GAB2: variants seen among roughly 807,000 people sequenced by gnomAD.
The protein encoded by GAB2 is GRB2 associated binding protein 2.
Under a neutral mutation model 65.5 loss-of-function variants are expected in GAB2, and 26 were observed. The ratio of observed to expected loss-of-function variants is 0.40; its 90% CI spans 0.29 to 0.55. The LOEUF is 0.55. Among genes scored for constraint, GAB2 ranks in the 20% least tolerant of loss-of-function variants. The pLI is 0.53. For missense variants in GAB2, 884 were observed against 875.8 expected (o/e 1.01, Z -0.12); for synonymous variants, 321 against 329.6 (o/e 0.97, Z 0.28).
chr11:78,246,497 T>A (rs1285789296), intron 3 of GAB2, among the ~76,000 whole-genome samples: 1 of 152,058 alleles, frequency 6.6e-6, no homozygotes, highest in Non-Finnish European at 1.5e-5. Context: ...AGAAGTGCTA[T>A]TTTTTTGTTT....
chr11:78,399,695 C>A (rs1856945620), intron 1 of GAB2, among the ~76,000 whole-genome samples: 1 of 152,150 alleles, frequency 6.6e-6, no homozygotes, highest in Non-Finnish European at 1.5e-5. Context: ...GTGAAGGCAC[C>A]CATGCTCATG....
rs566165527 is a variant in GAB2 at position 78,325,726 on chromosome 11, C to G, written c.76-44825G>C. Among the ~76,000 whole-genome samples the G allele has an allele frequency of 7.9e-5, 12 of 152,296 alleles. 1 individual carries two copies. In the South Asian group the frequency reaches 2.1e-3, roughly 26 times the overall value. The stretch of plus-strand genomic sequence containing the variant: ...CTTTCAAAGATCTTACATGACTTAG[C>G]AACATCCTGACAACCACTACATTGT... On this transcript the variant is annotated intron_variant, in intron 1 of 9. Transcript: ENST00000361507.
At chr11:78,346,716 TA>T (rs1565168294) in intron 1 of GAB2, among the ~76,000 whole-genome samples, 1,240 of 86,610 alleles carry the variant, frequency 0.014, 55 homozygotes, top group Admixed American at 0.026. Flanking sequence ...TATATATATA[TA>T]TATAATTTTT....
intron 1 of GAB2, chr11:78,341,972 T>A: frequency 1.5e-6 from 1 of 660,386 alleles, no homozygotes; most frequent in Admixed American, 6.3e-5. Flanking sequence ...CAAAGGCCAG[T>A]GTGTGTTGTG....
chr11:78,384,643 G>C (rs2134742494), intron 1 of GAB2, among the ~76,000 whole-genome samples: 1 of 152,310 alleles, frequency 6.6e-6, no homozygotes, highest in Non-Finnish European at 1.5e-5. Flanking sequence ...GCTGGGAGAG[G>C]AGGCAGTGCT....
chr11:78,370,173 C>T (rs926490454), intron 1 of GAB2, among the ~76,000 whole-genome samples: 10 of 147,242 alleles, frequency 6.8e-5, no homozygotes, highest in East Asian at 6.0e-4. Flanking sequence ...AGGAGAATGG[C>T]GTGAACCCGG....
At chr11:78,298,637 T>C (rs1866907017) in intron 1 of GAB2, among the ~76,000 whole-genome samples, 1 of 152,212 alleles carries the variant, frequency 6.6e-6, no homozygotes, top group African/African-American at 2.4e-5. Context: ...AAATGAGCTG[T>C]TGCCAACCCT....
At chr11:78,409,889 A>G (rs115931901) in intron 1 of GAB2, among the ~76,000 whole-genome samples, 1,879 of 152,294 alleles carry the variant, frequency 0.012, 29 homozygotes, top group African/African-American at 0.043. Flanking sequence ...ATAAACCTTG[A>G]CAAGTTAAAA....
chr11:78,264,581 T>G (rs1865825609), intron 2 of GAB2, among the ~76,000 whole-genome samples: 1 of 151,626 alleles, frequency 6.6e-6, no homozygotes, highest in Admixed American at 6.6e-5. Context: ...TTGTATTTTT[T>G]TTTTTAGTAG....
At chr11:78,324,038 T>C (rs1190841688) in intron 1 of GAB2, among the ~76,000 whole-genome samples, 1 of 152,076 alleles carries the variant, frequency 6.6e-6, no homozygotes, top group Non-Finnish European at 1.5e-5. Flanking sequence ...CCTCAGGTGA[T>C]CTGCCCACCT....
intron 1 of GAB2, among the ~76,000 whole-genome samples, chr11:78,342,370 C>A (rs1405195949): frequency 2.6e-5 from 4 of 151,814 alleles, no homozygotes; most frequent in Non-Finnish European, 5.9e-5. Context: ...ACAATATAAA[C>A]CCTCCCTCCT....
intron 1 of GAB2, among the ~76,000 whole-genome samples, chr11:78,365,980 T>C (rs1856492233): frequency 6.6e-6 from 1 of 152,214 alleles, no homozygotes; most frequent in Non-Finnish European, 1.5e-5. Context: ...TATGGACCAG[T>C]TACAGTTTTC....
chr11:78,412,252 G>T (rs894471915), intron 1 of GAB2, among the ~76,000 whole-genome samples: 1 of 152,286 alleles, frequency 6.6e-6, no homozygotes, highest in Middle Eastern at 3.4e-3. Context: ...TTAGCCATAA[G>T]GGAAATGTAA....
At chr11:78,350,260 G>A (rs1035832722) in intron 1 of GAB2, among the ~76,000 whole-genome samples, 20 of 152,164 alleles carry the variant, frequency 1.3e-4, no homozygotes, top group Admixed American at 3.3e-4. Flanking sequence ...AGGCTCTAGC[G>A]GGTAGCTCAG....
In GAB2 at chr11:78,328,169, T is replaced by C. The variant is rs183884846; in HGVS notation, c.76-47268A>G. Among the ~76,000 whole-genome samples the C allele has an allele frequency of 3.9e-5, 6 of 152,224 alleles. No homozygotes were observed. In the East Asian group the frequency reaches 7.7e-4, roughly 20 times the overall value. ...AGAAACGGATATACACACCAAACAC[T>C]AGGCACTCTCGGGTCCACATTGTTT... On this transcript the variant is annotated intron_variant, in intron 1 of 9. Transcript: ENST00000361507.
chr11:78,393,266 C>T (rs575058133), intron 1 of GAB2, among the ~76,000 whole-genome samples: 1 of 152,226 alleles, frequency 6.6e-6, no homozygotes, highest in Admixed American at 6.5e-5. Context: ...TCCCTCCCTA[C>T]TGCTGGAGAT....
Position 78,226,810 on chromosome 11 carries a change from C to T in GAB2, c.862G>A (p.Asp288Asn). ...TTGAAGGTGTACACATCCTCATTAT[C>T]TGTCTCGGAGCCTGTGAGGCTGCCC... Reference protein sequence around the residue: ...TKGSLTGSETDNEDVYTFKTP... With the variant: ...TKGSLTGSETNNEDVYTFKTP... The change falls in exon 4 of 10, where the codon GAT becomes AAT. Residue 288 changes from aspartate to asparagine, a missense_variant. Transcript: ENST00000361507. The T allele has an allele frequency of 6.2e-7, 1 of 1,614,140 alleles. No homozygotes were observed. The highest frequency in any genetic ancestry group is 8.5e-7 in the Non-Finnish European group (1 of 1,179,996).
At chr11:78,227,510 A>G (rs1476883671) in intron 3 of GAB2, among the ~76,000 whole-genome samples, 1 of 152,050 alleles carries the variant, frequency 6.6e-6, no homozygotes, top group Non-Finnish European at 1.5e-5. Flanking sequence ...TATTTGGGTC[A>G]GGTGCAGTGT....
chr11:78,289,657 C>T (rs1442806188), intron 1 of GAB2, among the ~76,000 whole-genome samples: 3 of 151,890 alleles, frequency 2.0e-5, no homozygotes, highest in Non-Finnish European at 2.9e-5. Flanking sequence ...AGACATAATA[C>T]GCTAGTAGAC....
Sources: gnomAD v4.1 joint callset for allele counts (sites outside exome capture counted in the v4.1 genomes callset) on GRCh38, gnomAD v4.1.1 for gene constraint, MANE v1.5 for transcripts, NCBI Gene and HGNC (gene_info 2026-07-23, HGNC 2026-07-21) for gene names.